RBM34: variants seen among roughly 807,000 people sequenced by gnomAD.
RBM34 encodes the protein RNA-binding protein 34.
In RBM34, 39 loss-of-function variants were observed where a neutral mutation model predicts 44.6. The ratio of observed to expected loss-of-function variants is 0.87; its 90% confidence interval spans 0.68 to 1.14. RBM34 has a LOEUF of 1.14. Ranked by LOEUF, RBM34 falls within the 50% of genes most tolerant of loss-of-function variation. The pLI, the probability that RBM34 is intolerant of heterozygous loss-of-function variation, is 0.00. For missense variants in RBM34, 572 were observed against 517.9 expected (o/e 1.10, Z -1.01); for synonymous variants, 194 against 184.0 (o/e 1.05, Z -0.44).
Position 235,138,176 on chromosome 1 carries a change from T to C in RBM34, c.702-2A>G. On this transcript the variant is annotated splice_acceptor_variant, in intron 6 of 10. Transcript: ENST00000408888. LOFTEE classifies it high-confidence loss of function. ...TTCTGATCAGGATGAATTTTACGTCTACACCAAAAAAAAAAAAAGAAAGAA... is the reference window on the plus strand; with the variant it reads ...TTCTGATCAGGATGAATTTTACGTCCACACCAAAAAAAAAAAAAGAAAGAA... 6.4e-7 allele frequency: 1 copy of C among 1,557,354 alleles called. No individual in the cohort carries two copies. Among genetic ancestry groups the C allele is most frequent in the Admixed American group, 2.1e-5 (1 of 48,084 alleles).
chr1:235,132,729 C>T (rs1312299185), intron 10 of RBM34, among the ~76,000 whole-genome samples: 2 of 152,094 alleles, frequency 1.3e-5, no homozygotes, highest in East Asian at 1.9e-4. Flanking sequence ...GACTAGACAC[C>T]CTCTAGGGTT....
chr1:235,157,101 A>G (rs1010037867), intron 3 of RBM34, among the ~76,000 whole-genome samples: 2 of 152,190 alleles, frequency 1.3e-5, no homozygotes, highest in African/African-American at 2.4e-5. Flanking sequence ...GTGTTACACG[A>G]AAGTGCTTAG....
intron 5 of RBM34, among the ~76,000 whole-genome samples, chr1:235,149,321 G>A (rs752830669): frequency 9.3e-5 from 14 of 150,518 alleles, no homozygotes; most frequent in East Asian, 2.0e-4. Flanking sequence ...CCCGGGAGGC[G>A]GAGCTTGCAG....
chr1:235,157,185 G>A (rs1446337113), intron 3 of RBM34, among the ~76,000 whole-genome samples: 1 of 152,196 alleles, frequency 6.6e-6, no homozygotes, highest in South Asian at 2.1e-4. Flanking sequence ...GGGCAGAAGA[G>A]TGGAAGATAA....
chr1:235,151,106 G>A (rs1363125167), intron 5 of RBM34, among the ~76,000 whole-genome samples: 1 of 152,304 alleles, frequency 6.6e-6, no homozygotes, highest in East Asian at 1.9e-4. Context: ...TCTGACAGGA[G>A]GTAATGAGAA....
chr1:235,140,164 G>C (rs760461399), intron 6 of RBM34, among the ~76,000 whole-genome samples: 1 of 152,242 alleles, frequency 6.6e-6, no homozygotes, highest in Non-Finnish European at 1.5e-5. Context: ...CACCTCCTCT[G>C]CCTGGGCTCC....
intron 6 of RBM34, among the ~76,000 whole-genome samples, chr1:235,142,801 G>A (rs960115904): frequency 1.3e-5 from 2 of 151,232 alleles, no homozygotes; most frequent in East Asian, 2.0e-4. Context: ...GGTGGCGCAC[G>A]CTTGTAATCC....
intron 3 of RBM34, among the ~76,000 whole-genome samples, chr1:235,155,847 A>T (rs1417230177): frequency 3.5e-5 from 1 of 28,706 alleles, no homozygotes; most frequent in African/African-American, 1.4e-4. Context: ...ATATATATAT[A>T]TATATATATA....
chr1:235,135,384 A>G (rs1210747435), intron 10 of RBM34, among the ~76,000 whole-genome samples: 1 of 151,874 alleles, frequency 6.6e-6, no homozygotes, highest in Admixed American at 6.6e-5. Context: ...ACCTGCCACC[A>G]CACCTGGATA....
At chr1:235,155,860 T>TAC (rs1204889124) in intron 3 of RBM34, among the ~76,000 whole-genome samples, 4 of 39,862 alleles carry the variant, frequency 1.0e-4, no homozygotes, top group East Asian at 6.1e-4. Context: ...TATATATATA[T>TAC]ATATATACAT....
At chr1:235,132,278 G>C (rs540349552) in intron 10 of RBM34, among the ~76,000 whole-genome samples, 2 of 151,954 alleles carry the variant, frequency 1.3e-5, no homozygotes, top group Admixed American at 1.3e-4. Context: ...TGAGGTTCTA[G>C]ACTAGATTAG....
At chr1:235,160,080 C>G (rs1022575591) in intron 3 of RBM34, 1 of 302,862 alleles carries the variant, frequency 3.3e-6, no homozygotes, top group Non-Finnish European at 6.5e-6. Context: ...ATGGTGAAAC[C>G]CTGTCTCCAC....
At chr1:235,155,151 T>C in intron 3 of RBM34, 39 bp from the exon 4 acceptor site, 1 of 1,531,156 alleles carries the variant, frequency 6.5e-7, no homozygotes, top group South Asian at 1.1e-5. Flanking sequence ...GTAAGAGTCA[T>C]GCCAGTTAGG....
intron 6 of RBM34, 37 bp from the exon 7 acceptor site, chr1:235,138,211 A>G (rs1396085252): frequency 6.6e-7 from 1 of 1,520,872 alleles, no homozygotes. Flanking sequence ...AAGAAAAGAG[A>G]GACAAGGTAA....
chr1:235,157,254 G>A (rs1276595640), intron 3 of RBM34, among the ~76,000 whole-genome samples: 2 of 152,188 alleles, frequency 1.3e-5, no homozygotes, highest in East Asian at 1.9e-4. Flanking sequence ...ACAACAGTGT[G>A]TATCTGAGAA....
At chr1:235,135,614 A>C in intron 10 of RBM34, 38 bp downstream of exon 10, 7 of 1,468,278 alleles carry the variant, frequency 4.8e-6, no homozygotes, top group Non-Finnish European at 6.7e-6. Context: ...CTCCCAGGGC[A>C]CTTCGAAGGA....
chr1:235,151,932 C>T (rs1373984374), intron 5 of RBM34, among the ~76,000 whole-genome samples: 1 of 151,934 alleles, frequency 6.6e-6, no homozygotes, highest in Admixed American at 6.6e-5. Flanking sequence ...ACTTGGGAGG[C>T]TGAGGCATGA....
chr1:235,158,186 G>A (rs1218953349), intron 3 of RBM34, among the ~76,000 whole-genome samples: 2 of 151,950 alleles, frequency 1.3e-5, no homozygotes, highest in Admixed American at 6.6e-5. Flanking sequence ...AGGCCAAGGC[G>A]GGTGGATCAC....
intron 6 of RBM34, among the ~76,000 whole-genome samples, chr1:235,147,534 A>C (rs749698069): frequency 2.0e-5 from 3 of 152,302 alleles, no homozygotes; most frequent in Non-Finnish European, 4.4e-5. Flanking sequence ...TTACCTCAGC[A>C]AACACTGTGG....
Sources: gnomAD v4.1 joint callset for allele counts (sites outside exome capture counted in the v4.1 genomes callset) on GRCh38, gnomAD v4.1.1 for gene constraint, MANE v1.5 for transcripts, NCBI Gene and HGNC (gene_info 2026-07-23, HGNC 2026-07-21) for gene names.